The following ARID1B variants were observed in gnomAD, a reference collection of about 807,000 sequenced individuals.
The protein encoded by ARID1B is AT-rich interactive domain-containing protein 1B.
A neutral mutation model predicts 212.3 loss-of-function variants in ARID1B; 30 were observed. The ratio of observed to expected loss-of-function variants is 0.14; its 90% CI spans 0.11 to 0.19. ARID1B has a LOEUF of 0.19. Among genes scored for constraint, ARID1B ranks in the 10% least tolerant of loss-of-function variants. ARID1B has a pLI of 1.00. For synonymous variants in ARID1B, 1,402 were observed against 1,301.7 expected, an observed-to-expected ratio of 1.08 and a Z score of -1.66; for missense variants, 2,891 against 3,204.0, an observed-to-expected ratio of 0.90 and a Z score of 2.36.
At chr6:157,196,051 T>C in intron 15 of ARID1B, 114 bp from the exon 16 acceptor site, 4 of 1,327,364 alleles carry the variant, frequency 3.0e-6, no homozygotes, top group Non-Finnish European at 4.2e-6. Flanking sequence ...AGAGTGAGAC[T>C]CCATCTCAAA....
intron 9 of ARID1B, chr6:157,168,071 C>T (rs895378755): frequency 2.6e-5 from 4 of 152,244 alleles, no homozygotes; most frequent in African/African-American, 9.7e-5. Flanking sequence ...ATGGGACAGC[C>T]AGATCCTTGG....
intron 8 of ARID1B, among the ~76,000 whole-genome samples, chr6:157,156,888 C>T (rs558197310): frequency 2.0e-5 from 3 of 152,228 alleles, no homozygotes; most frequent in Non-Finnish European, 4.4e-5. Flanking sequence ...ACGTGAGGAG[C>T]ACACAGGGCT....
intron 1 of ARID1B, among the ~76,000 whole-genome samples, chr6:156,797,777 G>T (rs970728827): frequency 2.6e-5 from 4 of 152,248 alleles, no homozygotes; most frequent in Admixed American, 6.5e-5. Flanking sequence ...AAGGGCCGCA[G>T]CCTGAGGTGC....
chr6:156,917,910 C>T (rs1328625767), intron 3 of ARID1B, among the ~76,000 whole-genome samples: 1 of 152,082 alleles, frequency 6.6e-6, no homozygotes, highest in East Asian at 1.9e-4. Flanking sequence ...TATCTTTCTT[C>T]AGACATCTTT....
intron 4 of ARID1B, among the ~76,000 whole-genome samples, chr6:156,963,094 G>A (rs369826485): frequency 3.9e-5 from 6 of 152,268 alleles, no homozygotes; most frequent in African/African-American, 1.4e-4. Flanking sequence ...AATTTCTTTA[G>A]AAGTATTATG....
At chr6:157,176,306 A>C (rs759049493) in intron 11 of ARID1B, among the ~76,000 whole-genome samples, 1 of 151,930 alleles carries the variant, frequency 6.6e-6, no homozygotes, top group African/African-American at 2.4e-5. Flanking sequence ...AAGGGGCGCA[A>C]CTCCTGCATT....
intron 4 of ARID1B, among the ~76,000 whole-genome samples, chr6:156,960,468 A>G (rs940287698): frequency 6.6e-6 from 1 of 152,232 alleles, no homozygotes; most frequent in African/African-American, 2.4e-5. Flanking sequence ...TCAGTAAAAA[A>G]TAATGTGAAT....
intron 3 of ARID1B, among the ~76,000 whole-genome samples, chr6:156,923,791 G>A (rs1359849190): frequency 1.3e-5 from 2 of 150,436 alleles, no homozygotes; most frequent in Non-Finnish European, 2.9e-5. Context: ...TGCATCCTCT[G>A]CCTTCTCCCA....
intron 7 of ARID1B, among the ~76,000 whole-genome samples, chr6:157,136,013 A>ATT: frequency 6.6e-6 from 1 of 152,328 alleles, no homozygotes; most frequent in Non-Finnish European, 1.5e-5. Context: ...CATATTTTAT[A>ATT]TGAGAAGCTT....
chr6:156,926,052 A>G (rs745560675), intron 3 of ARID1B, among the ~76,000 whole-genome samples: 4 of 152,232 alleles, frequency 2.6e-5, no homozygotes, highest in Non-Finnish European at 5.9e-5. Context: ...CAAAGATTCA[A>G]GGTCCTTAGA....
chr6:157,179,473 T>C lies in ARID1B; in HGVS notation c.3505-1496T>C, dbSNP rs561622374. 9.2e-5 allele frequency among the ~76,000 whole-genome samples: 14 copies of C among 152,320 alleles called. No homozygotes were observed. In the South Asian group the frequency reaches 1.2e-3, roughly 14 times the overall value. ...GTGTACATATGGGTTTATAGACATA[T>C]ATATATTCACACATATATGAATATG... On this transcript the variant is annotated intron_variant, in intron 11 of 19. Transcript: ENST00000636930.
At chr6:157,088,583 G>C (rs1010215281) in intron 5 of ARID1B, among the ~76,000 whole-genome samples, 3 of 152,144 alleles carry the variant, frequency 2.0e-5, no homozygotes, top group African/African-American at 7.2e-5. Flanking sequence ...TATCCAGCGT[G>C]CATTATGTTA....
intron 15 of ARID1B, 63 bp from the exon 16 acceptor site, chr6:157,196,102 G>C (rs1170229224): frequency 3.2e-6 from 5 of 1,577,916 alleles, no homozygotes; most frequent in Non-Finnish European, 2.6e-6. Flanking sequence ...GACTAGAAGG[G>C]ATGGATGGGC....
chr6:157,043,639 A>G (rs1230426756), intron 4 of ARID1B, among the ~76,000 whole-genome samples: 1 of 152,112 alleles, frequency 6.6e-6, no homozygotes, highest in Non-Finnish European at 1.5e-5. Context: ...TGTCACTGCT[A>G]AGAGCATAAA....
chr6:156,950,432 T>C (rs1210726554), intron 4 of ARID1B, among the ~76,000 whole-genome samples: 1 of 152,236 alleles, frequency 6.6e-6, no homozygotes, highest in African/African-American at 2.4e-5. Flanking sequence ...GTTGAAACTT[T>C]ATTTAAAATA....
chr6:157,195,063 C>G (rs1793623947), intron 15 of ARID1B: 3 of 152,032 alleles, frequency 2.0e-5, no homozygotes, highest in Non-Finnish European at 2.9e-5. Context: ...GGTAACTTAC[C>G]CAAGTAAGGA....
At chr6:157,040,129 G>C (rs1011429948) in intron 4 of ARID1B, among the ~76,000 whole-genome samples, 2 of 151,980 alleles carry the variant, frequency 1.3e-5, no homozygotes, top group Non-Finnish European at 2.9e-5. Context: ...TAGTAGAGAC[G>C]GGGTTTCACC....
At chr6:156,846,293 T>C (rs550564614) in intron 2 of ARID1B, among the ~76,000 whole-genome samples, 2 of 151,966 alleles carry the variant, frequency 1.3e-5, no homozygotes, top group East Asian at 3.9e-4. Context: ...TAGCTGGGAC[T>C]ACAGGTGTGC....
chr6:157,181,112 G>A lies in ARID1B; in HGVS notation c.3648G>A (p.Val1216=), dbSNP rs778366844. ...RGSPVSSLPA[V]GKKPLDLFRL... is the part of the protein sequence containing the mutation. ...CTCCTGTCTCAAGTCTGCCTGCCGTGGGCAAGAAGCCCCTGGACCTGTTCC... is the reference window on the plus strand; with the variant it reads ...CTCCTGTCTCAAGTCTGCCTGCCGTAGGCAAGAAGCCCCTGGACCTGTTCC... The change falls in exon 12 of 20, where the codon GTG becomes GTA. Residue 1216 remains valine, a synonymous_variant. Coordinates refer to ENST00000636930, the MANE Select transcript of ARID1B (RefSeq NM_001374828.1). The A allele has an allele frequency of 8.7e-6, 14 of 1,614,178 alleles. No homozygotes were observed. In the Admixed American group the frequency reaches 2.3e-4, roughly 27 times the overall value.
Sources: gnomAD v4.1 joint callset for allele counts (sites outside exome capture counted in the v4.1 genomes callset) on GRCh38, gnomAD v4.1.1 for gene constraint, MANE v1.5 for transcripts, NCBI Gene and HGNC (gene_info 2026-07-23, HGNC 2026-07-21) for gene names.